The following NUCB2 variants were observed in gnomAD, a reference collection of about 807,000 sequenced individuals.
NUCB2 encodes the protein nucleobindin 2.
Under a neutral mutation model 57.9 loss-of-function variants are expected in NUCB2, and 48 were observed. The ratio of observed to expected loss-of-function variants is 0.83; its 90% CI spans 0.66 to 1.05. NUCB2 has a LOEUF of 1.05. NUCB2 is among the 50% of genes least tolerant of loss of function. NUCB2 has a pLI of 0.00. For missense variants in NUCB2, 442 were observed against 476.2 expected, an observed-to-expected ratio of 0.93 and a Z score of 0.67; for synonymous variants, 139 against 152.1, an observed-to-expected ratio of 0.91 and a Z score of 0.64.
rs574965025 is a variant in NUCB2, at chr11:17,295,750, C to T, written c.144+283C>T. 1.7e-4 allele frequency: 68 copies of T among 400,634 alleles called. 1 individual carries two copies. Among genetic ancestry groups the T allele is most frequent in the Non-Finnish European group, 8.0e-5 (18 of 226,114 alleles). The allele number at this position is 400,634 out of a possible 1,614,324, so 24.8% of individuals were successfully genotyped here. A position where few individuals can be genotyped will look rare whatever the true frequency, so the allele number is the denominator to read the frequency against. ...AGAAGAATTAATCGTAATACATTTC[C>T]AACACAGACCTGACTAGCCAAGAAA... is the stretch of plus-strand genomic sequence containing the variant. On this transcript the variant is annotated intron_variant, in intron 3 of 13. Transcript: ENST00000529010.
At position 17,330,915 on chromosome 11, in the gene NUCB2, T is replaced by C. The variant is rs1369205683; in HGVS notation, c.1187T>C (p.Met396Thr). The change falls in exon 13 of 14, where the codon ATG becomes ACG. Residue 396 changes from methionine to threonine, a missense_variant. Physicochemically the swap from Met to Thr is moderately conservative, Grantham distance 81. Transcript: ENST00000529010. The surrounding 1 kb of genome is among the most constrained non-coding windows in gnomAD (Gnocchi z 4.3). Reference protein sequence around the residue: ...KLEYHQVIQQMEQKKLQQGIP... With the variant: ...KLEYHQVIQQTEQKKLQQGIP... ...TCCATTCACCAGGTCATACAGCAGATGGAACAAAAAAAATTACAACAAGGA... is the reference window on the plus strand; with the variant it reads ...TCCATTCACCAGGTCATACAGCAGACGGAACAAAAAAAATTACAACAAGGA... The C allele has an allele frequency of 1.3e-6, 2 of 1,599,512 alleles. No individual in the cohort carries two copies. The highest frequency in any genetic ancestry group is 1.1e-5 in the South Asian group (1 of 90,524).
At chr11:17,297,806 G>A (rs184743335) in intron 4 of NUCB2, among the ~76,000 whole-genome samples, 4 of 152,218 alleles carry the variant, frequency 2.6e-5, no homozygotes, top group Non-Finnish European at 4.4e-5. Context: ...ATGAGGGTCC[G>A]TGTGTGGTGG....
At position 17,282,419 on chromosome 11, in the gene NUCB2, C is replaced by T. The variant is rs149766182; in HGVS notation, c.-155-370C>T. Among the ~76,000 whole-genome samples the T allele has an allele frequency of 2.2e-3, 341 of 151,854 alleles. 1 individual carries two copies. Among genetic ancestry groups the T allele is most frequent in the African/African-American group, 7.8e-3 (323 of 41,430 alleles). On this transcript the variant is annotated intron_variant, in intron 1 of 13. Coordinates refer to ENST00000529010, the MANE Select transcript of NUCB2 (RefSeq NM_005013.4). ...AACTACAGGCACCTGCCACTATGCC[C>T]GGCTAATTTTTGTATTTGTTTAGTA...
At chr11:17,294,685 A>G (rs1374190745) in intron 2 of NUCB2, among the ~76,000 whole-genome samples, 1 of 150,892 alleles carries the variant, frequency 6.6e-6, no homozygotes, top group African/African-American at 2.4e-5. Flanking sequence ...CCTTAAAAAA[A>G]AAAAAAAAAA....
At chr11:17,286,009 C>T (rs968520817) in intron 2 of NUCB2, among the ~76,000 whole-genome samples, 9 of 151,680 alleles carry the variant, frequency 5.9e-5, no homozygotes, top group Middle Eastern at 3.4e-3. Flanking sequence ...AAATCAGTAG[C>T]TAAGAAATCT....
At chr11:17,334,237 A>G (rs558235881), downstream of NUCB2, 2 of 152,348 alleles carry the variant, frequency 1.3e-5, no homozygotes, top group African/African-American at 2.4e-5. Context: ...CACAGAATCA[A>G]TGGGAGGGTT....
intron 4 of NUCB2, among the ~76,000 whole-genome samples, chr11:17,297,975 G>A (rs947922394): frequency 9.9e-5 from 15 of 151,620 alleles, no homozygotes; most frequent in African/African-American, 1.7e-4. Context: ...CCAGCCACTC[G>A]GGAGGCTGAG....
At chr11:17,305,613 T>A (rs1947495937) in intron 5 of NUCB2, among the ~76,000 whole-genome samples, 1 of 151,990 alleles carries the variant, frequency 6.6e-6, no homozygotes, top group Non-Finnish European at 1.5e-5. Flanking sequence ...GATAGGTTTT[T>A]ATTTTTATTA....
In NUCB2 at chr11:17,285,964, C is replaced by T. The variant is rs12575240; in HGVS notation, c.-1+3021C>T. Among the ~76,000 whole-genome samples the T allele has an allele frequency of 5.0e-4, 75 of 150,714 alleles. 2 individuals carry two copies. The East Asian group carries it at 0.012, about 24-fold the overall frequency. ...ACACACACACACACACACACACACA[C>T]ACAAAGCAAACTTAATCTGTATAAC... On this transcript the variant is annotated intron_variant, in intron 2 of 13. Transcript: ENST00000529010.
chr11:17,294,413 A>G (rs897484428), intron 2 of NUCB2, among the ~76,000 whole-genome samples: 2 of 152,148 alleles, frequency 1.3e-5, no homozygotes, highest in African/African-American at 2.4e-5. Context: ...TAGATTAGAC[A>G]TATGCTGTAC....
At chr11:17,283,677 A>G (rs1054057229) in intron 2 of NUCB2, 6 of 152,256 alleles carry the variant, frequency 3.9e-5, no homozygotes, top group South Asian at 2.1e-4. Flanking sequence ...ATAAATGCTC[A>G]ATAGATGTTT....
intron 2 of NUCB2, among the ~76,000 whole-genome samples, chr11:17,284,024 T>C (rs1196419500): frequency 6.6e-6 from 1 of 152,158 alleles, no homozygotes; most frequent in African/African-American, 2.4e-5. Flanking sequence ...TTTATTTCCT[T>C]CCAGACTTTT....
At chr11:17,312,206 A>C in intron 10 of NUCB2, 86 bp downstream of exon 10, 1 of 786,226 alleles carries the variant, frequency 1.3e-6, no homozygotes, top group Non-Finnish European at 2.0e-6. Context: ...AAATATACAG[A>C]ATTTGTATTT....
At chr11:17,336,925 A>T (rs564986242), downstream of NUCB2, among the ~76,000 whole-genome samples, 3 of 151,976 alleles carry the variant, frequency 2.0e-5, no homozygotes, top group African/African-American at 7.2e-5. Context: ...AAATTATAAA[A>T]TTTTTTTGAT....
exon 3 of NUCB2, chr11:17,349,844 TTGTA>T (rs1273452459): frequency 6.6e-6 from 1 of 152,216 alleles, no homozygotes; most frequent in Non-Finnish European, 1.5e-5. Flanking sequence ...GGTTCCAAAA[TTGTA>T]TGTGATATTC....
intron 2 of NUCB2, among the ~76,000 whole-genome samples, chr11:17,294,845 C>T (rs1280989941): frequency 6.6e-6 from 1 of 151,982 alleles, no homozygotes; most frequent in Non-Finnish European, 1.5e-5. Context: ...GTCAGGAGTT[C>T]GAGACCAGCC....
rs766513713 is a variant in NUCB2, at chr11:17,315,439, A to AG, written c.967dup (p.Glu323GlyfsTer10). The AG allele has an allele frequency of 3.1e-6, 5 of 1,612,072 alleles. No homozygotes were observed. The highest frequency in any genetic ancestry group is 4.2e-6 in the Non-Finnish European group (5 of 1,178,638). ...CTCTGGAGGAGTTTTTGAAAGCCACAGAAAAAAAAGAATTCTTGGAGCCAG... is the reference window on the plus strand; with the variant it reads ...CTCTGGAGGAGTTTTTGAAAGCCACAGGAAAAAAAAGAATTCTTGGAGCCAG... On this transcript the variant is annotated frameshift_variant, in exon 11 of 14. Coordinates refer to ENST00000529010, the MANE Select transcript of NUCB2 (RefSeq NM_005013.4). LOFTEE classifies it high-confidence loss of function.
At position 17,310,895 on chromosome 11, in the gene NUCB2, A is replaced by C. The variant is rs768365749; in HGVS notation, c.554A>C (p.Glu185Ala). The C allele has an allele frequency of 1.9e-6, 3 of 1,597,142 alleles. No individual in the cohort carries two copies. The Admixed American group carries it at 5.4e-5, about 29-fold the overall frequency. ...TTTAAAAAATATGAAATGATGAAGG[A>C]ACATGAAAGGAGAGAATATTTAAAA... Reference protein sequence around the residue: ...EEFKKYEMMKEHERREYLKTL... With the variant: ...EEFKKYEMMKAHERREYLKTL... Residue 185 changes from glutamate (E) to alanine (A), a missense_variant, in exon 7 of 14, where the codon GAA (glutamate) becomes GCA (alanine). Glu to Ala is a moderately radical substitution (Grantham distance 107, BLOSUM62 -1). Coordinates refer to ENST00000529010, the MANE Select transcript of NUCB2 (RefSeq NM_005013.4).
intron 11 of NUCB2, among the ~76,000 whole-genome samples, chr11:17,324,210 C>G (rs1176868700): frequency 1.3e-5 from 2 of 152,008 alleles, no homozygotes; most frequent in East Asian, 1.9e-4. Flanking sequence ...CCTCTTAGTA[C>G]TACATTTGCT....
Sources: allele counts gnomAD v4.1 joint callset (sites outside exome capture counted in the v4.1 genomes callset), GRCh38; gene constraint gnomAD v4.1.1; non-coding constraint Gnocchi (gnomAD v3.1); transcripts MANE v1.5; gene names NCBI Gene and HGNC (gene_info 2026-07-23, HGNC 2026-07-21).